Variants in RGS17 observed in about 807,000 individuals in gnomAD.
The protein encoded by RGS17 is regulator of G protein signaling 17.
In RGS17, 12 loss-of-function variants were observed where a neutral mutation model predicts 25.5. That is an observed-to-expected ratio of 0.47 (90% CI 0.30 to 0.76). RGS17 has a LOEUF of 0.76. RGS17 is among the 30% of genes least tolerant of loss of function. The pLI, the probability that RGS17 is intolerant of heterozygous loss-of-function variation, is 0.07. For missense variants in RGS17, 196 were observed against 242.2 expected (o/e 0.81, Z 1.27); for synonymous variants, 71 against 76.9 (o/e 0.92, Z 0.40).
chr6:153,055,778 T>G (rs1422846822), intron 1 of RGS17, among the ~76,000 whole-genome samples: 1 of 152,226 alleles, frequency 6.6e-6, no homozygotes, highest in Non-Finnish European at 1.5e-5. Context: ...AGAAGGTTTT[T>G]CATTGTCGTG....
At chr6:153,041,734 T>C (rs1160915752) in intron 2 of RGS17, among the ~76,000 whole-genome samples, 1 of 152,196 alleles carries the variant, frequency 6.6e-6, no homozygotes, top group Non-Finnish European at 1.5e-5. Flanking sequence ...AACAATATAT[T>C]GGTGATGTTT....
At chr6:153,108,785 T>C (rs1777423510) in intron 1 of RGS17, among the ~76,000 whole-genome samples, 1 of 139,932 alleles carries the variant, frequency 7.1e-6, no homozygotes, top group African/African-American at 2.6e-5. Flanking sequence ...TGTACCTAAT[T>C]AATGTATGAA....
intron 1 of RGS17, among the ~76,000 whole-genome samples, chr6:153,092,520 C>T (rs751348426): frequency 2.0e-5 from 3 of 152,152 alleles, no homozygotes; most frequent in Non-Finnish European, 2.9e-5. Context: ...TTTGTCTCCA[C>T]CCGCCTCCAG....
intron 1 of RGS17, among the ~76,000 whole-genome samples, chr6:153,046,464 A>G (rs537925973): frequency 6.6e-6 from 1 of 152,028 alleles, no homozygotes; most frequent in Non-Finnish European, 1.5e-5. Context: ...GAACAACATT[A>G]TGTACCCCAT....
chr6:153,080,492 T>C (rs1366821777), intron 1 of RGS17, among the ~76,000 whole-genome samples: 1 of 152,158 alleles, frequency 6.6e-6, no homozygotes, highest in Non-Finnish European at 1.5e-5. Context: ...CAGTTAACCA[T>C]CTTTTATCAA....
intron 1 of RGS17, among the ~76,000 whole-genome samples, chr6:153,118,328 C>G (rs1278399054): frequency 6.6e-6 from 1 of 152,186 alleles, no homozygotes; most frequent in Non-Finnish European, 1.5e-5. Flanking sequence ...CTTAAAGAAA[C>G]AGCAACTTAA....
intron 1 of RGS17, among the ~76,000 whole-genome samples, chr6:153,051,545 C>T (rs891336072): frequency 1.3e-5 from 2 of 152,140 alleles, no homozygotes; most frequent in South Asian, 2.1e-4. Context: ...TGTTATTAAG[C>T]GGCCAACAAC....
chr6:153,078,860 T>C (rs887589633), intron 1 of RGS17, among the ~76,000 whole-genome samples: 2 of 151,988 alleles, frequency 1.3e-5, no homozygotes, highest in African/African-American at 4.8e-5. Flanking sequence ...ATTGCCAGCA[T>C]ACAGAAATAC....
chr6:153,047,045 G>A (rs1776393816), intron 1 of RGS17, among the ~76,000 whole-genome samples: 1 of 152,192 alleles, frequency 6.6e-6, no homozygotes, highest in Non-Finnish European at 1.5e-5. Context: ...AGCAATATTA[G>A]ATGCTGAAGA....
intron 1 of RGS17, among the ~76,000 whole-genome samples, chr6:153,091,504 A>C: frequency 6.7e-6 from 1 of 149,012 alleles, no homozygotes; most frequent in Admixed American, 6.7e-5. Context: ...ACGGAGTCTC[A>C]CTCTGTCACA....
At chr6:153,046,553 T>C (rs533943633) in intron 1 of RGS17, among the ~76,000 whole-genome samples, 4 of 151,536 alleles carry the variant, frequency 2.6e-5, no homozygotes, top group Admixed American at 6.6e-5. Context: ...TTGGCAAATA[T>C]GAAATAAGAA....
At chr6:153,054,816 C>G (rs1260042436) in intron 1 of RGS17, among the ~76,000 whole-genome samples, 1 of 152,066 alleles carries the variant, frequency 6.6e-6, no homozygotes, top group Non-Finnish European at 1.5e-5. Context: ...AATCATCTTC[C>G]TTCTGGAAAG....
chr6:153,057,352 A>C (rs1776574882), intron 1 of RGS17, among the ~76,000 whole-genome samples: 1 of 152,168 alleles, frequency 6.6e-6, no homozygotes, highest in South Asian at 2.1e-4. Flanking sequence ...ATTAGCTCTC[A>C]TCTCACTCTT....
At chr6:153,034,069 TA>T (rs1289680849) in intron 2 of RGS17, among the ~76,000 whole-genome samples, 1 of 152,172 alleles carries the variant, frequency 6.6e-6, no homozygotes, top group Non-Finnish European at 1.5e-5. Flanking sequence ...GTGAAAAAGT[TA>T]AAACCCTGTT....
At chr6:153,125,449 T>C (rs904759967) in intron 1 of RGS17, among the ~76,000 whole-genome samples, 1 of 152,234 alleles carries the variant, frequency 6.6e-6, no homozygotes, top group Non-Finnish European at 1.5e-5. Flanking sequence ...CATTTCTATT[T>C]GAAATAGATT....
intron 1 of RGS17, among the ~76,000 whole-genome samples, chr6:153,063,273 T>C (rs1197402250): frequency 5.9e-5 from 9 of 152,132 alleles, no homozygotes; most frequent in African/African-American, 2.2e-4. Context: ...CAGAGATATA[T>C]GACCTTTCGG....
At position 153,028,080 on chromosome 6, in the gene RGS17, G is replaced by A. The variant is rs117405822; in HGVS notation, c.120-1537C>T. Among the ~76,000 whole-genome samples, 77 of 152,292 alleles carry A rather than the reference G, an allele frequency of 5.1e-4. No homozygotes were observed. The East Asian group carries it at 9.7e-3, about 19-fold the overall frequency. ...AGGCTAGATAGGAAAACTGACCTGA[G>A]AGAGCAGACTCACTGGAAAAAGGAG... On this transcript the variant is annotated intron_variant, in intron 2 of 4. Transcript: ENST00000206262.
chr6:153,069,808 A>G (rs1007083360), intron 1 of RGS17, among the ~76,000 whole-genome samples: 7 of 151,790 alleles, frequency 4.6e-5, no homozygotes, highest in African/African-American at 1.7e-4. Flanking sequence ...AAACTAAAAA[A>G]AAATTGTTGG....
At chr6:153,128,305 C>T (rs187552034) in intron 1 of RGS17, among the ~76,000 whole-genome samples, 13 of 152,288 alleles carry the variant, frequency 8.5e-5, no homozygotes, top group African/African-American at 3.1e-4. Context: ...AGCGGTCCTT[C>T]GATTTGCCCT....
Sources: allele counts gnomAD v4.1 joint callset (sites outside exome capture counted in the v4.1 genomes callset), GRCh38; gene constraint gnomAD v4.1.1; transcripts MANE v1.5; gene names NCBI Gene and HGNC (gene_info 2026-07-23, HGNC 2026-07-21).